The following CCDC88A variants were observed in gnomAD, a reference collection of about 807,000 sequenced individuals.
CCDC88A encodes girdin.
In CCDC88A, 54 loss-of-function variants were observed where a neutral mutation model predicts 234.3. The observed-to-expected ratio is 0.23, with a 90% confidence interval of 0.19 to 0.29. CCDC88A has a LOEUF of 0.29. Among genes scored for constraint, CCDC88A ranks in the 10% least tolerant of loss-of-function variants. The pLI, the probability that CCDC88A is intolerant of heterozygous loss-of-function variation, is 1.00. For missense variants in CCDC88A, 1,832 were observed against 2,123.4 expected (o/e 0.86, Z 2.70); for synonymous variants, 753 against 737.8 (o/e 1.02, Z -0.33).
chr2:55,364,277 T>C (rs926964335), intron 5 of CCDC88A: 16 of 311,456 alleles, frequency 5.1e-5, no homozygotes, highest in Non-Finnish European at 8.9e-5. Flanking sequence ...TGGGAAACCA[T>C]TACACAACCC....
chr2:55,337,283 A>ATAAAAAAGGAGAAAAATAC (rs1667914569), intron 13 of CCDC88A: 1 of 149,802 alleles, frequency 6.7e-6, no homozygotes, highest in African/African-American at 2.6e-5. Context: ...TTCCTTTAAG[A>ATAAAAAAGGAGAAAAATAC]TAAAAAAGGA....
At chr2:55,411,416 G>A (rs1442905384) in intron 2 of CCDC88A, among the ~76,000 whole-genome samples, 1 of 152,054 alleles carries the variant, frequency 6.6e-6, no homozygotes, top group East Asian at 1.9e-4. Flanking sequence ...GAATCATATT[G>A]AGAATGAGGC....
At chr2:55,341,125 T>G (rs889539625) in intron 12 of CCDC88A, among the ~76,000 whole-genome samples, 4 of 148,970 alleles carry the variant, frequency 2.7e-5, no homozygotes, top group Non-Finnish European at 3.0e-5. Context: ...TTGTTGCAAA[T>G]GACAGAATTT....
intron 17 of CCDC88A, 191 bp from the exon 18 acceptor site, chr2:55,322,883 C>G: frequency 2.6e-6 from 1 of 392,070 alleles, no homozygotes; most frequent in East Asian, 3.8e-5. Context: ...AAAACATACT[C>G]TACTTATGTG....
chr2:55,355,438 T>C lies in CCDC88A; in HGVS notation c.800+141A>G, dbSNP rs76840278. 6.4e-3 allele frequency: 4,475 copies of C among 700,256 alleles called. 25 individuals carry two copies. Among genetic ancestry groups the C allele is most frequent in the Non-Finnish European group, 9.0e-3 (3,737 of 413,648 alleles). 43.4% of individuals were successfully genotyped at this position (700,256 alleles called of 1,614,324 possible). A position where few individuals can be genotyped will look rare whatever the true frequency, so the allele number is the denominator to read the frequency against. Reference sequence around the variant, plus strand: ...GTTAAGATTTAACAATAGGAAAACCTTATGCCAACCTCCTTATTTTTCTCA... The same window carrying C: ...GTTAAGATTTAACAATAGGAAAACCCTATGCCAACCTCCTTATTTTTCTCA... On this transcript the variant is annotated intron_variant, in intron 8 of 32. Transcript: ENST00000436346.
intron 5 of CCDC88A, among the ~76,000 whole-genome samples, chr2:55,365,781 A>G (rs560816471): frequency 2.0e-5 from 3 of 152,330 alleles, no homozygotes; most frequent in African/African-American, 7.2e-5. Context: ...AAAAAGAGAA[A>G]GACTGTCAAG....
At chr2:55,387,315 T>A (rs944358282) in intron 3 of CCDC88A, among the ~76,000 whole-genome samples, 7 of 151,778 alleles carry the variant, frequency 4.6e-5, no homozygotes, top group African/African-American at 1.5e-4. Context: ...AGAGAATGAC[T>A]AGAATTAAAA....
intron 5 of CCDC88A, among the ~76,000 whole-genome samples, chr2:55,370,207 T>C (rs1187444021): frequency 6.6e-6 from 1 of 152,110 alleles, no homozygotes; most frequent in Non-Finnish European, 1.5e-5. Flanking sequence ...GCTGATATCA[T>C]ATCAAAAACC....
intron 31 of CCDC88A, chr2:55,293,628 C>G (rs924389792): frequency 6.6e-6 from 1 of 151,810 alleles, no homozygotes; most frequent in Admixed American, 6.6e-5. Context: ...ACAACAACAA[C>G]AAGTATAACA....
At chr2:55,300,153 T>G (rs1265086108) in intron 28 of CCDC88A, 1 of 447,348 alleles carries the variant, frequency 2.2e-6, no homozygotes, top group Non-Finnish European at 4.1e-6. Flanking sequence ...ATATTTAGAT[T>G]TGAAAATGAG....
chr2:55,344,684 G>C (rs547070908), intron 10 of CCDC88A, among the ~76,000 whole-genome samples, 170 bp from the exon 11 acceptor site: 1 of 152,116 alleles, frequency 6.6e-6, no homozygotes, highest in South Asian at 2.1e-4. Flanking sequence ...TTTTACCCCA[G>C]AATGCAAACA....
At chr2:55,417,767 T>C (rs1681723797) in intron 2 of CCDC88A, 1 of 151,928 alleles carries the variant, frequency 6.6e-6, no homozygotes, top group South Asian at 2.1e-4. Flanking sequence ...CTCTTAAACA[T>C]AAAAATCTAA....
chr2:55,406,494 C>G (rs1679610496), intron 2 of CCDC88A, among the ~76,000 whole-genome samples: 1 of 152,164 alleles, frequency 6.6e-6, no homozygotes, highest in South Asian at 2.1e-4. Context: ...GTGGCTTACA[C>G]CTGTAATCCC....
chr2:55,386,965 A>G (rs1675745433), intron 3 of CCDC88A, among the ~76,000 whole-genome samples: 1 of 150,862 alleles, frequency 6.6e-6, no homozygotes, highest in African/African-American at 2.4e-5. Flanking sequence ...ACAGGAGGTC[A>G]GGAGTTCGAG....
At chr2:55,418,570 A>G in intron 2 of CCDC88A, 1 of 525,454 alleles carries the variant, frequency 1.9e-6, no homozygotes. Context: ...AGTACTGAAG[A>G]CAAGTGACAA....
At chr2:55,296,990 G>C (rs2576689) in intron 29 of CCDC88A, 137,071 of 152,644 alleles carry the variant, frequency 0.9, 62,273 homozygotes, top group East Asian at 0.97. Flanking sequence ...GGAGACCAGC[G>C]TGGCCAATAT....
intron 3 of CCDC88A, among the ~76,000 whole-genome samples, chr2:55,379,070 A>G (rs1331467034): frequency 6.6e-6 from 1 of 152,078 alleles, no homozygotes; most frequent in African/African-American, 2.4e-5. Flanking sequence ...ATTTTTGTAA[A>G]AAGTCTTTTT....
chr2:55,298,427 ATAAAAAT>A (rs1680461846), intron 29 of CCDC88A, among the ~76,000 whole-genome samples: 1 of 152,208 alleles, frequency 6.6e-6, no homozygotes, highest in Non-Finnish European at 1.5e-5. Flanking sequence ...GAAAAACATG[ATAAAAAT>A]TAAAAAAAGA....
At position 55,316,173 on chromosome 2, in the gene CCDC88A, T is replaced by C. The variant is rs1010012706; in HGVS notation, c.3747-59A>G. On this transcript the variant is annotated intron_variant, in intron 21 of 32. Transcript: ENST00000436346. The stretch of plus-strand genomic sequence containing the variant: ...TATCTTAATAGCTTTTGGTGTAATT[T>C]ATACAATATGAAATGATATAAATAA... 2.8e-5 allele frequency: 19 copies of C among 673,198 alleles called. No individual in the cohort carries two copies. In the Admixed American group the frequency reaches 3.4e-4, roughly 12 times the overall value. The allele number at this position is 673,198 out of a possible 1,614,324, so 41.7% of individuals were successfully genotyped here.
Sources: gnomAD v4.1 joint callset for allele counts (sites outside exome capture counted in the v4.1 genomes callset) on GRCh38, gnomAD v4.1.1 for gene constraint, MANE v1.5 for transcripts, NCBI Gene and HGNC (gene_info 2026-07-23, HGNC 2026-07-21) for gene names.